NIN: variants seen among roughly 807,000 people sequenced by gnomAD.
NIN encodes glycogen synthase kinase 3 beta-interacting protein.
A neutral mutation model predicts 257.6 loss-of-function variants in NIN; 137 were observed. That is an observed-to-expected ratio of 0.53 (90% CI 0.46 to 0.61). The LOEUF is 0.61. Ranked by LOEUF, NIN falls within the 20% of genes least tolerant of loss-of-function variation. The pLI is 0.00. For synonymous variants in NIN, 918 were observed against 919.8 expected (o/e 1.00, Z 0.04); for missense variants, 2,439 against 2,501.2 (o/e 0.98, Z 0.53).
intron 4 of NIN, among the ~76,000 whole-genome samples, chr14:50,800,143 T>A (rs2044032670): frequency 6.6e-6 from 1 of 152,208 alleles, no homozygotes; most frequent in Non-Finnish European, 1.5e-5. Flanking sequence ...ATACATATTT[T>A]TAAGTTGCCT....
Position 50,760,011 on chromosome 14 carries a change from C to G in NIN, c.2245G>C (p.Ala749Pro), listed in dbSNP as rs770881613. Residue 749 changes from alanine to proline, a missense_variant, in exon 17 of 31, where the codon GCC (alanine) becomes CCC (proline). Physicochemically the swap from Ala to Pro is conservative, Grantham distance 27. This residue lies in a region of NIN where 2,043 missense variants were observed against 2,050.2 expected (regional missense o/e 1.00). Transcript: ENST00000530997. ...EREREGLQSS[A>P]WTEEKVRGLT... is the part of the protein sequence containing the mutation. ...CCTCTCACCTTCTCTTCTGTCCAGG[C>G]GCTACTCTGAAGGCCTTCCCTCTCC... The G allele has an allele frequency of 2.5e-6, 4 of 1,614,218 alleles. No homozygotes were observed. Among genetic ancestry groups the G allele is most frequent in the Non-Finnish European group, 3.4e-6 (4 of 1,180,048 alleles).
intron 22 of NIN, 99 bp from the exon 23 acceptor site, chr14:50,744,464 G>GAAAATGC (rs2041446693): frequency 4.0e-6 from 5 of 1,253,924 alleles, no homozygotes; most frequent in African/African-American, 3.0e-5. Context: ...GCTGCTATTT[G>GAAAATGC]CCTATCTGTG....
intron 3 of NIN, among the ~76,000 whole-genome samples, chr14:50,819,462 C>G (rs887680025): frequency 6.6e-6 from 1 of 152,176 alleles, no homozygotes; most frequent in Admixed American, 6.5e-5. Context: ...GGGGTTTCCC[C>G]TTTTGCTCGG....
chr14:50,778,503 G>A (rs1479901864), intron 6 of NIN, among the ~76,000 whole-genome samples: 2 of 152,202 alleles, frequency 1.3e-5, no homozygotes, highest in East Asian at 1.9e-4. Flanking sequence ...ATTTAAGACT[G>A]TTAGAAAATT....
chr14:50,723,835 G>T, intron 30 of NIN, 163 bp from the exon 31 acceptor site: 1 of 614,344 alleles, frequency 1.6e-6, no homozygotes, highest in Non-Finnish European at 2.8e-6. Flanking sequence ...CTTGGCATCA[G>T]GGACACCATT....
intron 4 of NIN, chr14:50,806,185 C>T (rs1324695666): frequency 2.0e-5 from 3 of 152,128 alleles, no homozygotes; most frequent in African/African-American, 7.2e-5. Flanking sequence ...TCTTTTATTT[C>T]GAAACATTCA....
intron 3 of NIN, among the ~76,000 whole-genome samples, chr14:50,820,437 T>A (rs185921827): frequency 1.3e-5 from 2 of 152,336 alleles, no homozygotes; most frequent in African/African-American, 4.8e-5. Context: ...AGTTGTATCA[T>A]GCCTTTTCAG....
intron 3 of NIN, among the ~76,000 whole-genome samples, chr14:50,818,163 A>T (rs1056360618): frequency 1.3e-5 from 2 of 151,704 alleles, no homozygotes; most frequent in African/African-American, 4.8e-5. Flanking sequence ...CTCTACTGAA[A>T]ATACAAAAAA....
At chr14:50,831,341 C>T (rs1185236573), upstream of NIN, among the ~76,000 whole-genome samples, 1 of 152,118 alleles carries the variant, frequency 6.6e-6, no homozygotes, top group Non-Finnish European at 1.5e-5. Context: ...CGCCGGGGCT[C>T]CGGGTGCGGG....
intron 2 of NIN, among the ~76,000 whole-genome samples, chr14:50,828,213 G>A (rs1032401993): frequency 6.6e-5 from 10 of 152,048 alleles, no homozygotes; most frequent in Non-Finnish European, 2.9e-5. Context: ...TGAGGTGTAA[G>A]TGAAGGTGAT....
At chr14:50,770,639 A>G in intron 11 of NIN, 77 bp from the exon 12 acceptor site, 1 of 1,510,018 alleles carries the variant, frequency 6.6e-7, no homozygotes, top group South Asian at 1.2e-5. Flanking sequence ...AAATGGAAAC[A>G]CAGAGGCACA....
chr14:50,772,350 A>G lies in NIN; in HGVS notation c.932T>C (p.Leu311Pro). ...AATGCCCTCTTCCTGCCAGGTGTCCAGTATTCTCTCCACAGATGCATGGCC... is the reference window on the plus strand; with the variant it reads ...AATGCCCTCTTCCTGCCAGGTGTCCGGTATTCTCTCCACAGATGCATGGCC... ...GMGHASVERI[L>P]DTWQEEGIEN... Residue 311 changes from leucine (L) to proline (P), a missense_variant, in exon 9 of 31, where the codon CTG becomes CCG. By Grantham distance (98) the Leu-to-Pro change is moderately conservative. This residue lies in a region of NIN where 387 missense variants were observed against 427.3 expected (regional missense o/e 0.91). Transcript: ENST00000530997. 6.2e-7 allele frequency: 1 copy of G among 1,613,688 alleles called. No homozygotes were observed. The highest frequency in any genetic ancestry group is 8.5e-7 in the Non-Finnish European group (1 of 1,179,654).
At chr14:50,827,626 G>A (rs1399812945) in intron 2 of NIN, among the ~76,000 whole-genome samples, 3 of 149,646 alleles carry the variant, frequency 2.0e-5, no homozygotes, top group South Asian at 2.1e-4. Flanking sequence ...GTGTGGTGGC[G>A]CACACCTGTA....
intron 25 of NIN, 43 bp downstream of exon 25, chr14:50,741,539 T>C (rs778958535): frequency 3.8e-6 from 6 of 1,574,144 alleles, no homozygotes; most frequent in Middle Eastern, 1.7e-4. Flanking sequence ...TTGTATACTT[T>C]ACTGTAAATA....
intron 28 of NIN, among the ~76,000 whole-genome samples, chr14:50,734,725 G>A (rs2040891636): frequency 6.6e-6 from 1 of 152,030 alleles, no homozygotes; most frequent in Non-Finnish European, 1.5e-5. Context: ...TGTCTCCCAA[G>A]CTGGAGTGCA....
intron 3 of NIN, among the ~76,000 whole-genome samples, chr14:50,814,978 T>C (rs1167763441): frequency 6.6e-6 from 1 of 152,208 alleles, no homozygotes; most frequent in Non-Finnish European, 1.5e-5. Context: ...GACATAGGCA[T>C]GGGCAAAGAT....
chr14:50,824,736 C>G (rs1201753099), intron 2 of NIN, among the ~76,000 whole-genome samples: 1 of 152,144 alleles, frequency 6.6e-6, no homozygotes, highest in Non-Finnish European at 1.5e-5. Flanking sequence ...ATGGATCACT[C>G]CTTGAGAGGA....
intron 4 of NIN, among the ~76,000 whole-genome samples, chr14:50,794,761 TAAAA>T (rs900112232): frequency 6.4e-5 from 8 of 125,048 alleles, no homozygotes; most frequent in Non-Finnish European, 6.9e-5. Flanking sequence ...ATTCAGAGGT[TAAAA>T]AAAAAAAAAA....
chr14:50,747,750 AGGG>A (rs533666591), intron 22 of NIN, among the ~76,000 whole-genome samples: 2 of 145,338 alleles, frequency 1.4e-5, no homozygotes, highest in African/African-American at 2.7e-5. Flanking sequence ...AAAAAAAAAA[AGGG>A]GGGGATTTTA....
Sources: allele counts gnomAD v4.1 joint callset (sites outside exome capture counted in the v4.1 genomes callset), GRCh38; gene constraint gnomAD v4.1.1; regional missense constraint gnomAD v4.1.1; transcripts MANE v1.5; gene names NCBI Gene and HGNC (gene_info 2026-07-23, HGNC 2026-07-21).